GRIP1: variants seen among roughly 807,000 people sequenced by gnomAD.
GRIP1 encodes the protein glutamate receptor interacting protein 1.
GRIP1 carries 45 observed loss-of-function variants against 129.9 expected under a neutral mutation model. That is an observed-to-expected ratio of 0.35 (90% CI 0.27 to 0.44). The LOEUF is 0.44. GRIP1 is among the 20% of genes least tolerant of loss of function. The pLI, the probability that GRIP1 is intolerant of heterozygous loss-of-function variation, is 1.00. For synonymous variants in GRIP1, 530 were observed against 520.8 expected (o/e 1.02, Z -0.24); for missense variants, 1,196 against 1,396.8 (o/e 0.86, Z 2.29).
chr12:67,042,416 T>C (rs1048903006), intron 1 of GRIP1, among the ~76,000 whole-genome samples: 1 of 152,194 alleles, frequency 6.6e-6, no homozygotes, highest in Non-Finnish European at 1.5e-5. Flanking sequence ...CTTTGAAGTA[T>C]GAAATTTTCC....
At chr12:67,042,562 G>A (rs2043196261) in intron 1 of GRIP1, among the ~76,000 whole-genome samples, 2 of 152,004 alleles carry the variant, frequency 1.3e-5, no homozygotes, top group Admixed American at 1.3e-4. Flanking sequence ...ACTTGTTCAT[G>A]TCTTATTGCT....
intron 1 of GRIP1, among the ~76,000 whole-genome samples, chr12:66,992,231 G>C (rs1453003440): frequency 6.6e-6 from 1 of 152,114 alleles, no homozygotes; most frequent in Admixed American, 6.6e-5. Context: ...TCCATGTGCA[G>C]CACAATTCTT....
intron 2 of GRIP1, among the ~76,000 whole-genome samples, chr12:66,567,060 CT>C (rs1175846855): frequency 6.6e-6 from 1 of 152,048 alleles, no homozygotes; most frequent in African/African-American, 2.4e-5. Context: ...TTTTGTTGAT[CT>C]TTTCAAAAAA....
chr12:66,936,829 A>G (rs779505391), intron 1 of GRIP1, among the ~76,000 whole-genome samples: 1 of 152,206 alleles, frequency 6.6e-6, no homozygotes, highest in Non-Finnish European at 1.5e-5. Flanking sequence ...CGTATTCAGC[A>G]TGAACAAAAA....
At chr12:66,816,803 A>C (rs1453529897) in intron 1 of GRIP1, among the ~76,000 whole-genome samples, 1 of 152,152 alleles carries the variant, frequency 6.6e-6, no homozygotes, top group African/African-American at 2.4e-5. Context: ...ACAGAATCTT[A>C]AAGTCATTTT....
chr12:66,535,304 A>G (rs183257061), intron 4 of GRIP1, among the ~76,000 whole-genome samples: 71 of 152,180 alleles, frequency 4.7e-4, no homozygotes, highest in Non-Finnish European at 9.0e-4. Context: ...GGTTTCTCTT[A>G]TGTCTTTGGC....
chr12:66,549,294 GC>G (rs1475058234), intron 2 of GRIP1, among the ~76,000 whole-genome samples: 4 of 152,134 alleles, frequency 2.6e-5, no homozygotes, highest in Non-Finnish European at 5.9e-5. Flanking sequence ...CGGTGCAGAA[GC>G]AAAATGATAA....
intron 1 of GRIP1, among the ~76,000 whole-genome samples, chr12:66,842,222 T>C (rs894709170): frequency 2.0e-5 from 3 of 152,166 alleles, no homozygotes; most frequent in Non-Finnish European, 2.9e-5. Flanking sequence ...TTCCTATTAG[T>C]TCTCTTCTAT....
chr12:66,509,292 T>C (rs7316113), intron 7 of GRIP1, among the ~76,000 whole-genome samples: 74,859 of 151,898 alleles, frequency 0.49, 19,006 homozygotes, highest in African/African-American at 0.63. Flanking sequence ...TCACTAACAG[T>C]TTGGTTAAGG....
intron 24 of GRIP1, among the ~76,000 whole-genome samples, chr12:66,350,385 T>G (rs769671464): frequency 6.6e-6 from 1 of 151,984 alleles, no homozygotes; most frequent in Non-Finnish European, 1.5e-5. Flanking sequence ...TAATCCCAGC[T>G]ACTTGGGAGC....
chr12:66,673,630 G>A (rs1037217656), intron 1 of GRIP1, among the ~76,000 whole-genome samples: 3 of 152,152 alleles, frequency 2.0e-5, no homozygotes, highest in East Asian at 1.9e-4. Flanking sequence ...TTATATAAAC[G>A]AAAAGCTTCA....
intron 1 of GRIP1, among the ~76,000 whole-genome samples, chr12:66,719,891 G>A (rs558539804): frequency 1.7e-4 from 26 of 152,090 alleles, no homozygotes; most frequent in Non-Finnish European, 3.4e-4. Context: ...TTTTCTCAAC[G>A]GACACAGGCC....
chr12:66,647,270 A>T (rs2032447392), intron 1 of GRIP1: 1 of 152,242 alleles, frequency 6.6e-6, no homozygotes, highest in Non-Finnish European at 1.5e-5. Context: ...GCGAAATGCC[A>T]TTCATGTGAC....
At chr12:66,807,840 C>A (rs1027813906), upstream of GRIP1, among the ~76,000 whole-genome samples, 9 of 151,896 alleles carry the variant, frequency 5.9e-5, no homozygotes, top group Non-Finnish European at 1.2e-4. Flanking sequence ...ATTTTTTATA[C>A]ATAACCCAGT....
chr12:66,803,752 T>G (rs1197168717), intron 1 of GRIP1, among the ~76,000 whole-genome samples: 1 of 152,198 alleles, frequency 6.6e-6, no homozygotes, highest in East Asian at 1.9e-4. Context: ...CAGAGCATAT[T>G]CTGGCCACCT....
chr12:67,017,667 G>A (rs1293802875), intron 1 of GRIP1, among the ~76,000 whole-genome samples: 1 of 152,096 alleles, frequency 6.6e-6, no homozygotes, highest in Admixed American at 6.6e-5. Context: ...GTAACATGGT[G>A]TTGGCCAGCT....
chr12:66,903,680 T>A (rs948636072), intron 1 of GRIP1, among the ~76,000 whole-genome samples: 3 of 152,212 alleles, frequency 2.0e-5, no homozygotes, highest in African/African-American at 7.2e-5. Flanking sequence ...AAAGTCTATT[T>A]GTTGAATGTA....
In GRIP1 at chr12:66,528,136, T is replaced by TTTTTTTTTTG. The variant is rs1236081415; in HGVS notation, c.502+1694_502+1695insCAAAAAAAAA. Among the ~76,000 whole-genome samples the TTTTTTTTTTG allele has an allele frequency of 1.2e-3, 82 of 66,772 alleles. 6 individuals are homozygous for TTTTTTTTTTG. The highest frequency in any genetic ancestry group is 1.4e-3 in the African/African-American group (20 of 14,582). The allele number at this position is 66,772 out of a possible 152,430, so 43.8% of individuals were successfully genotyped here. On this transcript the variant is annotated intron_variant, in intron 5 of 24. Coordinates refer to ENST00000359742, the MANE Select transcript of GRIP1 (RefSeq NM_001366722.1). ...GAATTATACTTTAGAATTAGTAGGT[T>TTTTTTTTTTG]TTTTTTTTTTTTTTTTGAGATGGAG...
chr12:67,040,107 GT>G (rs1565651332), intron 1 of GRIP1, among the ~76,000 whole-genome samples: 1 of 152,052 alleles, frequency 6.6e-6, no homozygotes, highest in Admixed American at 6.6e-5. Context: ...AGTGTTTCAG[GT>G]AAGACCACAA....
Sources: allele counts gnomAD v4.1 joint callset (sites outside exome capture counted in the v4.1 genomes callset), GRCh38; gene constraint gnomAD v4.1.1; transcripts MANE v1.5; gene names NCBI Gene and HGNC (gene_info 2026-07-23, HGNC 2026-07-21).